GLIS1: variants seen among roughly 807,000 people sequenced by gnomAD.
The protein encoded by GLIS1 is zinc finger protein GLIS1.
Under a neutral mutation model 63.8 loss-of-function variants are expected in GLIS1, and 24 were observed. The ratio of observed to expected loss-of-function variants is 0.38; its 90% CI spans 0.27 to 0.53. The LOEUF (loss-of-function observed/expected upper bound fraction) is 0.53, where lower values mean the gene tolerates loss of function less well. Ranked by LOEUF, GLIS1 falls within the 20% of genes least tolerant of loss-of-function variation. GLIS1 has a pLI of 0.85. For missense variants in GLIS1, 1,036 were observed against 1,074.1 expected (o/e 0.96, Z 0.50); for synonymous variants, 450 against 482.5 (o/e 0.93, Z 0.88).
At chr1:53,723,416 G>T (rs1030583330) in intron 2 of GLIS1, among the ~76,000 whole-genome samples, 16 of 151,708 alleles carry the variant, frequency 1.1e-4, no homozygotes, top group African/African-American at 3.6e-4. Context: ...TTTTTGTATG[G>T]TAGTGACAGT....
At chr1:53,679,838 T>C (rs1407580140) in intron 2 of GLIS1, among the ~76,000 whole-genome samples, 1 of 152,162 alleles carries the variant, frequency 6.6e-6, no homozygotes, top group African/African-American at 2.4e-5. Context: ...TTGACTTCTC[T>C]CTCCAGCTCG....
At chr1:53,610,962 C>T (rs1246288835) in intron 2 of GLIS1, among the ~76,000 whole-genome samples, 2 of 152,024 alleles carry the variant, frequency 1.3e-5, no homozygotes, top group Non-Finnish European at 2.9e-5. Context: ...CTAGCTTTTG[C>T]ATTCTTAAAT....
intron 2 of GLIS1, among the ~76,000 whole-genome samples, chr1:53,657,708 A>G (rs901386287): frequency 6.6e-6 from 1 of 152,128 alleles, no homozygotes; most frequent in Non-Finnish European, 1.5e-5. Flanking sequence ...CCAACCAGAG[A>G]GCCATCAGCT....
At chr1:53,629,397 C>T (rs933107064) in intron 2 of GLIS1, among the ~76,000 whole-genome samples, 2 of 152,220 alleles carry the variant, frequency 1.3e-5, no homozygotes, top group African/African-American at 2.4e-5. Context: ...ATGGCCCCAG[C>T]TGTTCCTACC....
At chr1:53,532,427 T>TG (rs1454775022) in intron 4 of GLIS1, among the ~76,000 whole-genome samples, 2 of 152,256 alleles carry the variant, frequency 1.3e-5, no homozygotes, top group Non-Finnish European at 2.9e-5. Flanking sequence ...AGTCACAACT[T>TG]GGGGCCGTGC....
chr1:53,709,421 C>CATATATATAT (rs749053965), intron 2 of GLIS1, among the ~76,000 whole-genome samples: 3 of 42,438 alleles, frequency 7.1e-5, no homozygotes, highest in African/African-American at 1.5e-4. Context: ...TACACACACA[C>CATATATATAT]ACACACACAC....
At chr1:53,572,185 G>A (rs1162214912) in intron 4 of GLIS1, among the ~76,000 whole-genome samples, 1 of 152,120 alleles carries the variant, frequency 6.6e-6, no homozygotes, top group Non-Finnish European at 1.5e-5. Flanking sequence ...GGGCCAAATA[G>A]TACTTATGCA....
chr1:53,646,453 T>C lies in GLIS1; in HGVS notation c.260-46175A>G, dbSNP rs1012542810. Among the ~76,000 whole-genome samples the C allele has an allele frequency of 3.3e-5, 5 of 152,196 alleles. No homozygotes were observed. The highest frequency in any genetic ancestry group is 9.6e-5 in the African/African-American group (4 of 41,456). ...TTTTTAGATATCATTTATGGTAACA[T>C]AGAATAACATCAAATACATACGGAT... On this transcript the variant is annotated intron_variant, in intron 2 of 10. Coordinates refer to ENST00000628545, the MANE Select transcript of GLIS1 (RefSeq NM_001367484.1). The surrounding 1 kb of genome is among the most constrained non-coding windows in gnomAD (Gnocchi z 4.2).
intron 2 of GLIS1, among the ~76,000 whole-genome samples, chr1:53,628,138 C>CCCTTGCTGTG (rs58550904): frequency 6.6e-6 from 1 of 151,418 alleles, no homozygotes; most frequent in African/African-American, 2.4e-5. Context: ...CCTTGCTGTG[C>CCCTTGCTGTG]CCTTGCTGTG....
chr1:53,658,770 AG>A (rs1645994873), intron 2 of GLIS1, among the ~76,000 whole-genome samples: 1 of 152,160 alleles, frequency 6.6e-6, no homozygotes, highest in African/African-American at 2.4e-5. Flanking sequence ...AGCAGGAGGT[AG>A]GGGTGTAGAG....
intron 3 of GLIS1, among the ~76,000 whole-genome samples, chr1:53,597,620 G>A (rs955762608): frequency 6.6e-6 from 1 of 152,134 alleles, no homozygotes; most frequent in Non-Finnish European, 1.5e-5. Context: ...AGGGGCAGGC[G>A]CCGAGAGTGG....
chr1:53,547,634 C>T (rs1644717647), intron 4 of GLIS1, among the ~76,000 whole-genome samples: 1 of 152,248 alleles, frequency 6.6e-6, no homozygotes. Context: ...CCTACTCAAG[C>T]CTGGGAACAT....
intron 2 of GLIS1, among the ~76,000 whole-genome samples, chr1:53,689,732 C>A (rs984417076): frequency 1.3e-5 from 2 of 152,206 alleles, no homozygotes; most frequent in African/African-American, 4.8e-5. Flanking sequence ...CCAGACCTCC[C>A]CTGTCCAGGA....
intron 2 of GLIS1, among the ~76,000 whole-genome samples, chr1:53,691,544 T>A (rs1185292811): frequency 1.3e-5 from 2 of 151,992 alleles, no homozygotes; most frequent in Non-Finnish European, 2.9e-5. Context: ...TGCTCCATGC[T>A]CTCCCACGTC....
At chr1:53,538,768 C>A (rs1388280055) in intron 4 of GLIS1, among the ~76,000 whole-genome samples, 1 of 152,104 alleles carries the variant, frequency 6.6e-6, no homozygotes, top group Non-Finnish European at 1.5e-5. Context: ...CCTGACCCTT[C>A]CTCACCAGGA....
chr1:53,730,262 G>A (rs772599605), intron 2 of GLIS1, among the ~76,000 whole-genome samples: 2 of 152,144 alleles, frequency 1.3e-5, no homozygotes, highest in African/African-American at 2.4e-5. Context: ...AGCTCCAACT[G>A]ACACAGTGGA....
At chr1:53,699,167 C>A (rs1646498309) in intron 2 of GLIS1, among the ~76,000 whole-genome samples, 1 of 152,012 alleles carries the variant, frequency 6.6e-6, no homozygotes, top group African/African-American at 2.4e-5. Flanking sequence ...CAGATTCAAG[C>A]AATTCTCCTG....
At chr1:53,595,917 G>A (rs1645251272) in intron 3 of GLIS1, among the ~76,000 whole-genome samples, 1 of 152,210 alleles carries the variant, frequency 6.6e-6, no homozygotes, top group African/African-American at 2.4e-5. Flanking sequence ...GTGACTGCAT[G>A]AAACTGCGAT....
intron 2 of GLIS1, among the ~76,000 whole-genome samples, chr1:53,611,200 T>G (rs2100573062): frequency 6.6e-6 from 1 of 152,236 alleles, no homozygotes; most frequent in Non-Finnish European, 1.5e-5. Flanking sequence ...TCCAGCCATT[T>G]CAGCCTCCCA....
Sources: allele counts gnomAD v4.1 joint callset (sites outside exome capture counted in the v4.1 genomes callset), GRCh38; gene constraint gnomAD v4.1.1; non-coding constraint Gnocchi (gnomAD v3.1); transcripts MANE v1.5; gene names NCBI Gene and HGNC (gene_info 2026-07-23, HGNC 2026-07-21).